The following CDH4 variants were observed in gnomAD, a reference collection of about 807,000 sequenced individuals.
The protein encoded by CDH4 is cadherin 4.
Under a neutral mutation model 86.0 loss-of-function variants are expected in CDH4, and 33 were observed. The ratio of observed to expected loss-of-function variants is 0.38; its 90% CI spans 0.29 to 0.51. The LOEUF (loss-of-function observed/expected upper bound fraction) is 0.51, where lower values mean the gene tolerates loss of function less well. CDH4 is among the 20% of genes least tolerant of loss of function. The probability of loss-of-function intolerance (pLI) is 0.86; values close to 1 mark genes in which losing one functional copy is unlikely to be tolerated. For synonymous variants in CDH4, 555 were observed against 549.4 expected, an observed-to-expected ratio of 1.01 and a Z score of -0.14; for missense variants, 1,114 against 1,307.4, an observed-to-expected ratio of 0.85 and a Z score of 2.28.
At chr20:61,430,141 C>T (rs1017410413) in intron 2 of CDH4, among the ~76,000 whole-genome samples, 11 of 152,238 alleles carry the variant, frequency 7.2e-5, no homozygotes, top group Non-Finnish European at 1.3e-4. Flanking sequence ...GAGGCAAAGA[C>T]ATAAAGCTCT....
Position 61,923,505 on chromosome 20 carries a change from C to G in CDH4, c.1429C>G (p.Gln477Glu). 6.2e-7 allele frequency: 1 copy of G among 1,614,148 alleles called. No individual in the cohort carries two copies. Among genetic ancestry groups the G allele is most frequent in the Non-Finnish European group, 8.5e-7 (1 of 1,180,030 alleles). The change falls in exon 10 of 16, where the codon CAG (glutamine) becomes GAG (glutamate). Residue 477 changes from glutamine (Q) to glutamate (E), a missense_variant. Physicochemically the swap from Gln to Glu is conservative, Grantham distance 29. Around this residue, in one of 3 missense-constraint regions of CDH4, gnomAD observed 705 missense variants for 914.1 expected, o/e 0.77. Transcript: ENST00000614565. The part of the protein sequence containing the change: ...AFMLTVMVSN[Q>E]APLASGIQMS... Reference sequence around the variant, plus strand: ...CATGCTGACAGTGATGGTGTCCAACCAGGCGCCCCTGGCCAGCGGAATCCA... The same window carrying G: ...CATGCTGACAGTGATGGTGTCCAACGAGGCGCCCCTGGCCAGCGGAATCCA...
intron 11 of CDH4, among the ~76,000 whole-genome samples, chr20:61,925,284 C>T (rs62205049): frequency 0.026 from 3,928 of 152,292 alleles, 85 homozygotes; most frequent in Middle Eastern, 0.068. Flanking sequence ...GAGCCCCCCA[C>T]GGGTCGCACG....
rs531512419 is a variant in CDH4, at chr20:61,480,569, G to A, written c.169+225632G>A. Among the ~76,000 whole-genome samples the A allele has an allele frequency of 1.1e-4, 17 of 152,326 alleles. No homozygotes were observed. The highest frequency in any genetic ancestry group is 2.6e-4 in the African/African-American group (11 of 41,562). ...GTGGCAGCGAATCCCCGTCCTGACC[G>A]GGGCCTGGTGGCTGGCTGCCTGCTA... On this transcript the variant is annotated intron_variant, in intron 2 of 15. Transcript: ENST00000614565. The surrounding 1 kb of genome is among the most constrained non-coding windows in gnomAD (Gnocchi z 5.2).
chr20:61,275,066 TG>T (rs1600825179), intron 2 of CDH4, among the ~76,000 whole-genome samples: 9 of 103,314 alleles, frequency 8.7e-5, no homozygotes, highest in South Asian at 3.5e-4. Context: ...GTGTGCAGTT[TG>T]GGGGAGTACC....
At chr20:61,781,360 G>C (rs1197676944) in intron 4 of CDH4, among the ~76,000 whole-genome samples, 1 of 152,108 alleles carries the variant, frequency 6.6e-6, no homozygotes, top group African/African-American at 2.4e-5. Flanking sequence ...TTAACATAAT[G>C]CTTTATAGTA....
chr20:61,402,834 TG>T (rs1301283813), intron 2 of CDH4, among the ~76,000 whole-genome samples: 2 of 152,224 alleles, frequency 1.3e-5, no homozygotes, highest in African/African-American at 4.8e-5. Context: ...AGAAACAGAA[TG>T]GTTAAGCCAC....
intron 2 of CDH4, among the ~76,000 whole-genome samples, chr20:61,387,648 C>T (rs915218315): frequency 3.9e-5 from 6 of 152,204 alleles, no homozygotes; most frequent in Non-Finnish European, 7.3e-5. Flanking sequence ...AAACACATCC[C>T]GATGTCCTGT....
At chr20:61,506,481 C>T (rs896588353) in intron 2 of CDH4, among the ~76,000 whole-genome samples, 1 of 152,190 alleles carries the variant, frequency 6.6e-6, no homozygotes, top group East Asian at 1.9e-4. Context: ...TACATTACAT[C>T]GTATCCACAT....
chr20:61,411,379 C>T (rs1252951878), intron 2 of CDH4, among the ~76,000 whole-genome samples: 2 of 149,870 alleles, frequency 1.3e-5, no homozygotes, highest in Admixed American at 6.7e-5. Flanking sequence ...GTCACTCCCT[C>T]ATGCAAGGAA....
rs1199002613 is a variant in CDH4, at chr20:61,518,741, T to C, written c.170-224822T>C. ...ATCCGTTCATCCACCCATCATCCATTCATCCATCCATTCGTACATCCACCC... is the reference window on the plus strand; with the variant it reads ...ATCCGTTCATCCACCCATCATCCATCCATCCATCCATTCGTACATCCACCC... On this transcript the variant is annotated intron_variant, in intron 2 of 15. Transcript: ENST00000614565. This position sits in a 1 kb window ranked among gnomAD's most constrained non-coding sequence, Gnocchi z 6.3. Among the ~76,000 whole-genome samples the C allele has an allele frequency of 6.6e-6, 1 of 151,268 alleles. No homozygotes were observed. The highest frequency in any genetic ancestry group is 1.5e-5 in the Non-Finnish European group (1 of 67,780).
At chr20:61,441,989 A>C (rs1412858707) in intron 2 of CDH4, among the ~76,000 whole-genome samples, 3 of 152,216 alleles carry the variant, frequency 2.0e-5, no homozygotes, top group Non-Finnish European at 4.4e-5. Flanking sequence ...GCAGATTTCA[A>C]ATCCAATCGT....
intron 2 of CDH4, among the ~76,000 whole-genome samples, chr20:61,739,709 C>T (rs1032554417): frequency 6.6e-6 from 1 of 152,210 alleles, no homozygotes; most frequent in African/African-American, 2.4e-5. Flanking sequence ...AGGCCCAGTT[C>T]AGAAGGTAAA....
At chr20:61,889,327 TGGATG>T (rs1338076357) in intron 7 of CDH4, among the ~76,000 whole-genome samples, 1 of 150,042 alleles carries the variant, frequency 6.7e-6, no homozygotes, top group African/African-American at 2.5e-5. Flanking sequence ...GATGGATGGA[TGGATG>T]GATGGATGGG....
chr20:61,796,315 G>A (rs561937553), intron 4 of CDH4, among the ~76,000 whole-genome samples: 33 of 152,192 alleles, frequency 2.2e-4, no homozygotes, highest in Admixed American at 7.8e-4. Context: ...CATGACAACC[G>A]CTCAAAGCCG....
intron 2 of CDH4, among the ~76,000 whole-genome samples, chr20:61,609,191 C>T (rs6121726): frequency 0.66 from 100,957 of 152,140 alleles, 34,245 homozygotes; most frequent in East Asian, 0.78. Flanking sequence ...TCTGAATCAT[C>T]GTTGTAAAAC....
At chr20:61,529,133 C>T (rs2085934396) in intron 2 of CDH4, among the ~76,000 whole-genome samples, 1 of 152,112 alleles carries the variant, frequency 6.6e-6, no homozygotes, top group African/African-American at 2.4e-5. Context: ...TTCCTGAGAC[C>T]CAAAGCCACC....
chr20:61,295,333 G>A (rs1260414116), intron 2 of CDH4, among the ~76,000 whole-genome samples: 1 of 152,184 alleles, frequency 6.6e-6, no homozygotes, highest in Non-Finnish European at 1.5e-5. Context: ...TATTGAGGGA[G>A]TCTGGAGTCC....
intron 2 of CDH4, among the ~76,000 whole-genome samples, chr20:61,351,422 C>G (rs1346641599): frequency 6.6e-6 from 1 of 152,156 alleles, no homozygotes; most frequent in Non-Finnish European, 1.5e-5. Context: ...CAGATTTTGG[C>G]ATGCACGGTG....
intron 2 of CDH4, among the ~76,000 whole-genome samples, chr20:61,297,990 G>A (rs1043573578): frequency 6.6e-6 from 1 of 152,232 alleles, no homozygotes; most frequent in African/African-American, 2.4e-5. Flanking sequence ...GGTCAGCTCT[G>A]GGGGCCCGTT....
Sources: gnomAD v4.1 joint callset for allele counts (sites outside exome capture counted in the v4.1 genomes callset) on GRCh38, gnomAD v4.1.1 for gene constraint, gnomAD v4.1.1 regional missense constraint, Gnocchi (gnomAD v3.1) non-coding constraint, MANE v1.5 for transcripts, NCBI Gene and HGNC (gene_info 2026-07-23, HGNC 2026-07-21) for gene names.